The following USP39 variants were observed in gnomAD, a reference collection of about 807,000 sequenced individuals.
USP39 encodes ubiquitin specific peptidase 39.
Under a neutral mutation model 66.4 loss-of-function variants are expected in USP39, and 38 were observed. That is an observed-to-expected ratio of 0.57 (90% CI 0.44 to 0.75). The LOEUF is 0.75. Among genes scored for constraint, USP39 ranks in the 30% least tolerant of loss-of-function variants. The pLI is 0.00. For missense variants in USP39, 608 were observed against 714.4 expected (o/e 0.85, Z 1.70); for synonymous variants, 303 against 274.6 (o/e 1.10, Z -1.02).
rs547066985 is a variant in USP39 at position 85,621,721 on chromosome 2, A to G, written c.433+142A>G. On this transcript the variant is annotated intron_variant, in intron 3 of 12. Coordinates refer to ENST00000323701, the MANE Select transcript of USP39 (RefSeq NM_006590.4). ...AAATTGAAATATTCTTAGAAAACCA[A>G]TAAGAGGTTCTCTGACTGGTCAGAA... The G allele has an allele frequency of 8.6e-6, 6 of 699,920 alleles. No homozygotes were observed. In the Admixed American group the frequency reaches 8.7e-5, roughly 10 times the overall value. The allele number at this position is 699,920 out of a possible 1,614,324, so 43.4% of individuals were successfully genotyped here. A position where few individuals can be genotyped will look rare whatever the true frequency, so the allele number is the denominator to read the frequency against.
At chr2:85,629,276 G>A (rs949682722) in intron 5 of USP39, among the ~76,000 whole-genome samples, 3 of 151,850 alleles carry the variant, frequency 2.0e-5, no homozygotes, top group African/African-American at 7.3e-5. Context: ...GGCCTGGCAG[G>A]TCTTGGACTC....
At chr2:85,644,897 A>C in intron 10 of USP39, 51 bp from the exon 11 acceptor site, 1 of 1,608,380 alleles carries the variant, frequency 6.2e-7, no homozygotes, top group Non-Finnish European at 8.5e-7. Context: ...CAGTTTCCTT[A>C]ACCTCACAGC....
chr2:85,641,170 TCTC>T, intron 10 of USP39, 52 bp downstream of exon 10: 1 of 1,602,674 alleles, frequency 6.2e-7, no homozygotes, highest in South Asian at 1.1e-5. Context: ...CTGGATTTCT[TCTC>T]TTGTATTTTT....
At chr2:85,613,647 A>G (rs1021125795), upstream of USP39, among the ~76,000 whole-genome samples, 3 of 152,264 alleles carry the variant, frequency 2.0e-5, no homozygotes, top group Admixed American at 1.3e-4. Flanking sequence ...GGGACTCTGT[A>G]TGATTCCATT....
intron 5 of USP39, 151 bp downstream of exon 5, chr2:85,625,842 A>G: frequency 2.1e-6 from 2 of 943,888 alleles, no homozygotes; most frequent in Admixed American, 3.1e-5. Flanking sequence ...ACATGGAGAA[A>G]CCCTGTCTCT....
chr2:85,630,664 T>A (rs1301378576), intron 5 of USP39, 57 bp from the exon 6 acceptor site: 2 of 1,529,052 alleles, frequency 1.3e-6, no homozygotes, highest in East Asian at 4.5e-5. Context: ...TTGGAAGAGC[T>A]TGGCTCAAGG....
upstream of USP39, chr2:85,612,186 T>G (rs1673602043): frequency 4.0e-6 from 4 of 995,090 alleles, no homozygotes; most frequent in Middle Eastern, 2.3e-4. Flanking sequence ...ATGCTTGACT[T>G]CCACCCCCCG....
At chr2:85,618,066 G>C (rs920681123) in intron 1 of USP39, among the ~76,000 whole-genome samples, 8 of 151,504 alleles carry the variant, frequency 5.3e-5, no homozygotes, top group Admixed American at 3.3e-4. Flanking sequence ...CAATTCTCCT[G>C]TCTCAGCCTC....
chr2:85,608,511 A>G (rs1465467181), upstream of USP39: 1 of 154,838 alleles, frequency 6.5e-6, no homozygotes, highest in Admixed American at 6.5e-5. Context: ...AGGTCTATAA[A>G]CACATGGGTG....
chr2:85,607,596 G>A (rs1242959694), upstream of USP39: 1 of 152,198 alleles, frequency 6.6e-6, no homozygotes, highest in South Asian at 2.1e-4. Flanking sequence ...TTAATGACAA[G>A]ATTGAAGTAG....
intron 3 of USP39, 95 bp from the exon 4 acceptor site, chr2:85,623,551 C>T: frequency 6.9e-7 from 1 of 1,452,216 alleles, no homozygotes; most frequent in Non-Finnish European, 9.2e-7. Flanking sequence ...CGGATATTAA[C>T]ATGTTCCGGT....
upstream of USP39, chr2:85,608,346 G>A (rs1241334922): frequency 3.3e-5 from 5 of 152,130 alleles, no homozygotes; most frequent in Non-Finnish European, 7.3e-5. Context: ...ATTACTTGGA[G>A]AGTTTTTTAG....
chr2:85,619,835 G>C (rs893664926), intron 2 of USP39, among the ~76,000 whole-genome samples: 1 of 151,828 alleles, frequency 6.6e-6, no homozygotes, highest in Non-Finnish European at 1.5e-5. Context: ...TTTGAGACCA[G>C]CCTGGTCAAC....
chr2:85,637,675 T>C (rs78506103), intron 8 of USP39, among the ~76,000 whole-genome samples: 2,551 of 152,278 alleles, frequency 0.017, 46 homozygotes, highest in African/African-American at 0.043. Flanking sequence ...GTGGTGCTGC[T>C]GTGTTTTTTC....
chr2:85,642,904 C>G lies in USP39; in HGVS notation c.1427+1786C>G, dbSNP rs571370762. Among the ~76,000 whole-genome samples, 13 of 152,102 alleles carry G rather than the reference C, an allele frequency of 8.5e-5. 1 individual carries two copies. The South Asian group carries it at 2.7e-3, about 32-fold the overall frequency. On this transcript the variant is annotated intron_variant, in intron 10 of 12. Coordinates refer to ENST00000323701, the MANE Select transcript of USP39 (RefSeq NM_006590.4). ...TCACTTTCAGGTAATTAGCCATTCT[C>G]TTAACTGGTCTGTTGCTGTGGTTGG...
chr2:85,637,398 A>C lies in USP39; in HGVS notation c.1057A>C (p.Met353Leu). The change falls in exon 8 of 13, where the codon ATG becomes CTG. Residue 353 changes from methionine (M) to leucine (L), a missense_variant. Around this residue, in one of 6 missense-constraint regions of USP39, gnomAD observed 72 missense variants for 60.1 expected, o/e 1.20. Transcript: ENST00000323701. Reference protein sequence around the residue: ...TIVTDVFQGSMRIFTKKLPHP... With the variant: ...TIVTDVFQGSLRIFTKKLPHP... ...TGTGACTGATGTTTTCCAGGGGTCCATGAGGATCTTCACTAAAAAGCTTCC... is the reference window on the plus strand; with the variant it reads ...TGTGACTGATGTTTTCCAGGGGTCCCTGAGGATCTTCACTAAAAAGCTTCC... 1.2e-6 allele frequency: 2 copies of C among 1,614,204 alleles called. No individual in the cohort carries two copies. Among genetic ancestry groups the C allele is most frequent in the Non-Finnish European group, 1.7e-6 (2 of 1,180,038 alleles).
chr2:85,641,149 G>T lies in USP39; in HGVS notation c.1427+31G>T, dbSNP rs763357432. ...TAACATCCTGCCTCACTTCTCTCAC[G>T]GGGAGTGAACCTGGATTTCTTCTCT... On this transcript the variant is annotated intron_variant, in intron 10 of 12. Coordinates refer to ENST00000323701, the MANE Select transcript of USP39 (RefSeq NM_006590.4). 3.1e-6 allele frequency: 5 copies of T among 1,608,946 alleles called. No individual in the cohort carries two copies. The Admixed American group carries it at 6.8e-5, about 22-fold the overall frequency.
chr2:85,637,817 C>T (rs1316262995), intron 8 of USP39, among the ~76,000 whole-genome samples: 1 of 152,106 alleles, frequency 6.6e-6, no homozygotes, highest in Non-Finnish European at 1.5e-5. Context: ...CTGCCTTAGC[C>T]TCCTGAGTGG....
chr2:85,619,702 C>T (rs978382918), intron 2 of USP39, among the ~76,000 whole-genome samples: 16 of 151,780 alleles, frequency 1.1e-4, no homozygotes, highest in African/African-American at 3.9e-4. Flanking sequence ...TGTTTTTCAA[C>T]CTATATTGTA....
Sources: allele counts gnomAD v4.1 joint callset (sites outside exome capture counted in the v4.1 genomes callset), GRCh38; gene constraint gnomAD v4.1.1; regional missense constraint gnomAD v4.1.1; transcripts MANE v1.5; gene names NCBI Gene and HGNC (gene_info 2026-07-23, HGNC 2026-07-21).